Variants in WWC2 observed in about 807,000 individuals in gnomAD.
The protein encoded by WWC2 is WW and C2 domain containing 2, also known as protein WWC2.
In WWC2, 101 loss-of-function variants were observed where a neutral mutation model predicts 138.5. The ratio of observed to expected loss-of-function variants is 0.73; its 90% CI spans 0.62 to 0.86. The LOEUF (loss-of-function observed/expected upper bound fraction) is 0.86. WWC2 is among the 40% of genes least tolerant of loss of function. The pLI is 0.00. For missense variants in WWC2, 1,420 were observed against 1,419.4 expected, an observed-to-expected ratio of 1.00 and a Z score of -0.01; for synonymous variants, 558 against 538.4, an observed-to-expected ratio of 1.04 and a Z score of -0.50.
At chr4:183,191,154 G>A (rs866462055) in intron 1 of WWC2, among the ~76,000 whole-genome samples, 1 of 151,984 alleles carries the variant, frequency 6.6e-6, no homozygotes, top group African/African-American at 2.4e-5. Flanking sequence ...TAGACAAGGA[G>A]GTGTCCTAGG....
chr4:183,286,427 TAC>T (rs1038201353), intron 20 of WWC2, among the ~76,000 whole-genome samples: 1 of 152,140 alleles, frequency 6.6e-6, no homozygotes, highest in Non-Finnish European at 1.5e-5. Context: ...TAAGACCTGG[TAC>T]CTTTTCTGAA....
intron 21 of WWC2, among the ~76,000 whole-genome samples, chr4:183,293,530 A>G (rs1163621867): frequency 6.6e-6 from 1 of 152,224 alleles, no homozygotes; most frequent in African/African-American, 2.4e-5. Context: ...ATAGGTAAAC[A>G]TTAGAATCAC....
At chr4:183,229,408 C>G (rs529116456) in intron 4 of WWC2, among the ~76,000 whole-genome samples, 2 of 152,144 alleles carry the variant, frequency 1.3e-5, no homozygotes, top group East Asian at 3.9e-4. Context: ...AACATGTCTG[C>G]TAATTTTGGT....
At chr4:183,282,609 A>G in intron 17 of WWC2, 99 bp from the exon 18 acceptor site, 2 of 1,204,342 alleles carry the variant, frequency 1.7e-6, no homozygotes, top group Non-Finnish European at 1.2e-6. Context: ...TCATTGTGTG[A>G]GTCTGTTTAT....
At chr4:183,156,732 A>T (rs1294574587) in intron 1 of WWC2, among the ~76,000 whole-genome samples, 1 of 152,246 alleles carries the variant, frequency 6.6e-6, no homozygotes, top group Non-Finnish European at 1.5e-5. Flanking sequence ...TGGAAAGCTA[A>T]GTACAATTTA....
rs555886987 is a variant in WWC2, at chr4:183,251,720, G to A, written c.953+1727G>A. On this transcript the variant is annotated intron_variant, in intron 8 of 22. Coordinates refer to ENST00000403733, the MANE Select transcript of WWC2 (RefSeq NM_024949.6). ...GACATTGGTTCTTTCCCACTTGGTT[G>A]CATTGGCGTGCCATTTGGGGTTTTG... Among the ~76,000 whole-genome samples, 123 of 152,166 alleles carry A rather than the reference G, an allele frequency of 8.1e-4. 1 individual carries two copies. Among genetic ancestry groups the A allele is most frequent in the Middle Eastern group, 3.2e-3 (1 of 316 alleles).
At chr4:183,152,890 A>C (rs1006202409) in intron 1 of WWC2, among the ~76,000 whole-genome samples, 4 of 152,084 alleles carry the variant, frequency 2.6e-5, no homozygotes, top group East Asian at 1.9e-4. Context: ...CTCAAAAAAA[A>C]ATAAAAAATA....
At chr4:183,113,524 G>GCA (rs1561420322) in intron 1 of WWC2, among the ~76,000 whole-genome samples, 10 of 141,510 alleles carry the variant, frequency 7.1e-5, no homozygotes, top group South Asian at 4.5e-4. Flanking sequence ...GTGCGCGCGC[G>GCA]TGCGCGCGCA....
At chr4:183,139,657 A>G (rs1267474907) in intron 1 of WWC2, among the ~76,000 whole-genome samples, 8 of 152,158 alleles carry the variant, frequency 5.3e-5, no homozygotes, top group Non-Finnish European at 7.4e-5. Context: ...GAGATCTTAA[A>G]CTTGTTTGTG....
intron 4 of WWC2, among the ~76,000 whole-genome samples, chr4:183,219,840 A>G (rs376439183): frequency 5.6e-4 from 85 of 152,250 alleles, no homozygotes; most frequent in African/African-American, 1.9e-3. Context: ...CTTTCCTAGT[A>G]TGCATGCCTT....
chr4:183,144,655 T>C (rs11942363), intron 1 of WWC2, among the ~76,000 whole-genome samples: 4,574 of 152,212 alleles, frequency 0.03, 238 homozygotes, highest in African/African-American at 0.11. Context: ...CGAGAAAATA[T>C]ATGATCCCAA....
chr4:183,101,761 A>G (rs1354263633), intron 1 of WWC2, among the ~76,000 whole-genome samples: 1 of 152,122 alleles, frequency 6.6e-6, no homozygotes, highest in Non-Finnish European at 1.5e-5. Context: ...GGCCAATAGG[A>G]GTGTGTGGAT....
chr4:183,316,059 G>A lies in WWC2; in HGVS notation c.*330G>A, dbSNP rs1038621745. On this transcript the variant is annotated 3_prime_UTR_variant, in exon 23 of 23. Coordinates refer to ENST00000403733, the MANE Select transcript of WWC2 (RefSeq NM_024949.6). ...TACCCCACATGTGTACTGTTGAGCC[G>A]GCTGTTGAGAAACAACTTGGTTCAG... is the stretch of plus-strand genomic sequence containing the variant. 6 of 203,382 alleles carry A rather than the reference G, an allele frequency of 3.0e-5. No homozygotes were observed. Among genetic ancestry groups the A allele is most frequent in the Admixed American group, 1.1e-4 (2 of 18,338 alleles). 12.6% of individuals were successfully genotyped at this position (203,382 alleles called of 1,614,324 possible).
At chr4:183,250,435 T>C (rs1404752215) in intron 8 of WWC2, among the ~76,000 whole-genome samples, 1 of 152,148 alleles carries the variant, frequency 6.6e-6, no homozygotes, top group Non-Finnish European at 1.5e-5. Flanking sequence ...ACTGCTAATG[T>C]CCTTGAAGGT....
chr4:183,121,021 A>G (rs1732583592), intron 1 of WWC2, among the ~76,000 whole-genome samples: 1 of 152,220 alleles, frequency 6.6e-6, no homozygotes, highest in Non-Finnish European at 1.5e-5. Context: ...GTTTGAGACC[A>G]GCCTGGACAA....
At chr4:183,119,286 T>G (rs987413374) in intron 1 of WWC2, among the ~76,000 whole-genome samples, 1 of 152,180 alleles carries the variant, frequency 6.6e-6, no homozygotes, top group Non-Finnish European at 1.5e-5. Flanking sequence ...AAGTTACTTC[T>G]CCAGTTAAAG....
chr4:183,245,820 G>C (rs868462189), intron 6 of WWC2, among the ~76,000 whole-genome samples: 1 of 152,180 alleles, frequency 6.6e-6, no homozygotes, highest in Admixed American at 6.5e-5. Flanking sequence ...GCTCATGTGA[G>C]GAGATTAACA....
intron 16 of WWC2, among the ~76,000 whole-genome samples, chr4:183,277,263 G>A (rs1456324776): frequency 2.6e-5 from 4 of 151,206 alleles, no homozygotes; most frequent in Admixed American, 2.6e-4. Flanking sequence ...AGTTTACTGA[G>A]AATGATGATT....
intron 4 of WWC2, among the ~76,000 whole-genome samples, chr4:183,219,294 A>T (rs1735853655): frequency 6.6e-6 from 1 of 152,194 alleles, no homozygotes; most frequent in Non-Finnish European, 1.5e-5. Context: ...ACATGATTGT[A>T]TACTTAAATG....
Sources: allele counts gnomAD v4.1 joint callset (sites outside exome capture counted in the v4.1 genomes callset), GRCh38; gene constraint gnomAD v4.1.1; transcripts MANE v1.5; gene names NCBI Gene and HGNC (gene_info 2026-07-23, HGNC 2026-07-21).